IP6K1: variants seen among roughly 807,000 people sequenced by gnomAD.
IP6K1 encodes the protein inositol hexakisphosphate kinase 1, also known as ATP:1D-myo-inositol-hexakisphosphate phosphotransferase.
A neutral mutation model predicts 38.3 loss-of-function variants in IP6K1; 13 were observed. That is an observed-to-expected ratio of 0.34 (90% CI 0.22 to 0.54). The LOEUF (loss-of-function observed/expected upper bound fraction) is 0.54. IP6K1 is among the 20% of genes least tolerant of loss of function. The pLI, the probability that IP6K1 is intolerant of heterozygous loss-of-function variation, is 0.92. For missense variants in IP6K1, 397 were observed against 599.8 expected, an observed-to-expected ratio of 0.66 and a Z score of 3.53; for synonymous variants, 212 against 229.9, an observed-to-expected ratio of 0.92 and a Z score of 0.70.
intron 1 of IP6K1, among the ~76,000 whole-genome samples, chr3:49,753,958 A>T (rs1196194440): frequency 6.6e-6 from 1 of 152,344 alleles, no homozygotes; most frequent in South Asian, 2.1e-4. Flanking sequence ...AAAGCAAAAT[A>T]CAGAAGGAAA....
At chr3:49,782,662 T>C (rs1488235910) in intron 1 of IP6K1, among the ~76,000 whole-genome samples, 1 of 151,734 alleles carries the variant, frequency 6.6e-6, no homozygotes, top group Non-Finnish European at 1.5e-5. Flanking sequence ...ACAAAGAAAA[T>C]TAGCCAGGCA....
chr3:49,727,952 C>T lies in IP6K1; in HGVS notation c.792+151G>A. ...CCAATGTCGAGGCAGCAGACTCTCA[C>T]AGTGGTCCTGCACCTGAGGCCCATA... On this transcript the variant is annotated intron_variant, in intron 5 of 5. Transcript: ENST00000321599. This position sits in a 1 kb window ranked among gnomAD's most constrained non-coding sequence, Gnocchi z 5.9. The T allele has an allele frequency of 1.3e-6, 1 of 758,984 alleles. No homozygotes were observed. The highest frequency in any genetic ancestry group is 2.2e-6 in the Non-Finnish European group (1 of 456,754). 47.0% of individuals were successfully genotyped at this position (758,984 alleles called of 1,614,324 possible).
chr3:49,752,078 T>C (rs116797602), intron 1 of IP6K1, among the ~76,000 whole-genome samples: 1 of 152,308 alleles, frequency 6.6e-6, no homozygotes, highest in Non-Finnish European at 1.5e-5. Flanking sequence ...TGGTCATGGC[T>C]CACTGCAGCC....
chr3:49,733,258 A>G (rs1422948682), intron 3 of IP6K1, among the ~76,000 whole-genome samples: 1 of 81,662 alleles, frequency 1.2e-5, no homozygotes, highest in Non-Finnish European at 3.1e-5. Context: ...GCTACAATCA[A>G]AGAAGAAAGT....
At chr3:49,755,190 G>A (rs1417896277) in intron 1 of IP6K1, among the ~76,000 whole-genome samples, 1 of 150,252 alleles carries the variant, frequency 6.7e-6, no homozygotes, top group African/African-American at 2.5e-5. Flanking sequence ...ACTTGTCTCG[G>A]CCTCCCAAAG....
chr3:49,774,407 CAAAAAAAAAAAAAAAAA>C (rs777187857), intron 1 of IP6K1, among the ~76,000 whole-genome samples: 1 of 44,286 alleles, frequency 2.3e-5, no homozygotes, highest in African/African-American at 6.8e-5. Flanking sequence ...GACTCCATCT[CAAAAAAAAAAAAAAAAA>C]AAAAAGAAAA....
In IP6K1 at chr3:49,747,831, G is replaced by C. The variant is rs371433710; in HGVS notation, c.210C>G (p.Thr70=). 6.2e-7 allele frequency: 1 copy of C among 1,613,920 alleles called. No individual in the cohort carries two copies. Among genetic ancestry groups the C allele is most frequent in the African/African-American group, 1.3e-5 (1 of 74,906 alleles). ...CCAGTGACTGACCTTTGTATTCAGG[G>C]GTGAACTCCTTCATTTCGGGAGGGA... ...ESLPPEMKEF[T]PEYKGVVSVC... Residue 70 remains threonine, a synonymous_variant, in exon 2 of 6, where the codon ACC becomes ACG. Coordinates refer to ENST00000321599, the MANE Select transcript of IP6K1 (RefSeq NM_153273.4).
At chr3:49,767,887 C>A (rs886472199) in intron 1 of IP6K1, among the ~76,000 whole-genome samples, 4 of 151,934 alleles carry the variant, frequency 2.6e-5, no homozygotes, top group Non-Finnish European at 5.9e-5. Context: ...ACAAAAATAA[C>A]CCAATTCATA....
chr3:49,746,311 A>G (rs2080720380), intron 2 of IP6K1, among the ~76,000 whole-genome samples: 1 of 151,218 alleles, frequency 6.6e-6, no homozygotes, highest in African/African-American at 2.4e-5. Context: ...CCAGGTGTCC[A>G]TCAACAGATG....
intron 1 of IP6K1, among the ~76,000 whole-genome samples, chr3:49,761,195 G>C (rs1160754022): frequency 1.3e-5 from 2 of 151,692 alleles, no homozygotes; most frequent in Non-Finnish European, 2.9e-5. Context: ...GGCGCCTGTA[G>C]TCCCAGCTAC....
chr3:49,734,177 A>G (rs917799427), intron 3 of IP6K1, among the ~76,000 whole-genome samples: 2 of 152,076 alleles, frequency 1.3e-5, no homozygotes, highest in Admixed American at 6.6e-5. Flanking sequence ...AAAACCACAA[A>G]GGAGTTTTTG....
chr3:49,742,373 C>G (rs1051043922), intron 2 of IP6K1, among the ~76,000 whole-genome samples: 2 of 151,888 alleles, frequency 1.3e-5, no homozygotes, highest in African/African-American at 2.4e-5. Flanking sequence ...CACGGTGAAA[C>G]CCTGTCTCTA....
At position 49,726,878 on chromosome 3, in the gene IP6K1, A is replaced by G. The variant is rs2080508901; in HGVS notation, c.*244T>C. The G allele has an allele frequency of 2.1e-6, 1 of 475,698 alleles. No homozygotes were observed. Among genetic ancestry groups the G allele is most frequent in the African/African-American group, 2.0e-5 (1 of 50,344 alleles). The allele number at this position is 475,698 out of a possible 1,614,324, so 29.5% of individuals were successfully genotyped here. ...CACCAGGGGCACCTCTTCCTTCCTA[A>G]GGCAGCCTGGACACACCAGTCAGAG... On this transcript the variant is annotated 3_prime_UTR_variant, in exon 6 of 6. Coordinates refer to ENST00000321599, the MANE Select transcript of IP6K1 (RefSeq NM_153273.4).
chr3:49,764,913 G>A (rs1264786833), intron 1 of IP6K1, among the ~76,000 whole-genome samples: 7 of 148,744 alleles, frequency 4.7e-5, no homozygotes, highest in African/African-American at 1.7e-4. Flanking sequence ...AACCCAAATA[G>A]GATAAACTCA....
Position 49,726,968 on chromosome 3 carries a change from G to T in IP6K1, c.*154C>A. 1 of 773,030 alleles carries T rather than the reference G, an allele frequency of 1.3e-6. No homozygotes were observed. The highest frequency in any genetic ancestry group is 2.0e-6 in the Non-Finnish European group (1 of 490,558). 47.9% of individuals were successfully genotyped at this position (773,030 alleles called of 1,614,324 possible). A position where few individuals can be genotyped will look rare whatever the true frequency, so the allele number is the denominator to read the frequency against. On this transcript the variant is annotated 3_prime_UTR_variant, in exon 6 of 6. Coordinates refer to ENST00000321599, the MANE Select transcript of IP6K1 (RefSeq NM_153273.4). Reference sequence around the variant, plus strand: ...TGCCCTCCTTCACTTTATATATATGGATTCCAGGCTACAGCTAAAAACATT... The same window carrying T: ...TGCCCTCCTTCACTTTATATATATGTATTCCAGGCTACAGCTAAAAACATT...
At chr3:49,759,706 C>T (rs1408340274) in intron 1 of IP6K1, among the ~76,000 whole-genome samples, 1 of 152,064 alleles carries the variant, frequency 6.6e-6, no homozygotes, top group Non-Finnish European at 1.5e-5. Context: ...CAACAAAAAA[C>T]GACTTTATTA....
At chr3:49,784,207 G>A (rs976573731) in intron 1 of IP6K1, among the ~76,000 whole-genome samples, 1 of 151,858 alleles carries the variant, frequency 6.6e-6, no homozygotes, top group Non-Finnish European at 1.5e-5. Flanking sequence ...TTTTGGATAG[G>A]CTAATCTCTT....
chr3:49,749,272 A>G (rs2080750957), intron 1 of IP6K1, among the ~76,000 whole-genome samples: 1 of 152,178 alleles, frequency 6.6e-6, no homozygotes, highest in African/African-American at 2.4e-5. Context: ...CTTCTACTTT[A>G]AATCTATGGT....
At chr3:49,754,641 C>G (rs1157441583) in intron 1 of IP6K1, among the ~76,000 whole-genome samples, 16 of 151,904 alleles carry the variant, frequency 1.1e-4, no homozygotes, top group Admixed American at 9.9e-4. Flanking sequence ...CACATCAAGC[C>G]TAGAAAGTGA....
Sources: gnomAD v4.1 joint callset for allele counts (sites outside exome capture counted in the v4.1 genomes callset) on GRCh38, gnomAD v4.1.1 for gene constraint, Gnocchi (gnomAD v3.1) non-coding constraint, MANE v1.5 for transcripts, NCBI Gene and HGNC (gene_info 2026-07-23, HGNC 2026-07-21) for gene names.